LHFPL3: variants seen among roughly 807,000 people sequenced by gnomAD.
LHFPL3 encodes LHFPL tetraspan subfamily member 3 protein.
A neutral mutation model predicts 19.3 loss-of-function variants in LHFPL3; 5 were observed. The ratio of observed to expected loss-of-function variants is 0.26; its 90% CI spans 0.14 to 0.54. The LOEUF is 0.54. Among genes scored for constraint, LHFPL3 ranks in the 20% least tolerant of loss-of-function variants. The probability of loss-of-function intolerance (pLI) is 0.94; values close to 1 mark genes in which losing one functional copy is unlikely to be tolerated. For synonymous variants in LHFPL3, 133 were observed against 126.2 expected, an observed-to-expected ratio of 1.05 and a Z score of -0.36; for missense variants, 249 against 307.4, an observed-to-expected ratio of 0.81 and a Z score of 1.42.
intron 1 of LHFPL3, among the ~76,000 whole-genome samples, chr7:104,716,077 G>T (rs563029900): frequency 3.9e-5 from 6 of 152,186 alleles, no homozygotes; most frequent in African/African-American, 1.4e-4. Flanking sequence ...GGCCAGGCAC[G>T]CTGGCTCATG....
intron 2 of LHFPL3, among the ~76,000 whole-genome samples, chr7:104,742,815 T>A (rs964446320): frequency 2.6e-5 from 4 of 152,154 alleles, no homozygotes; most frequent in African/African-American, 7.2e-5. Flanking sequence ...AAATACTCTT[T>A]TAGGAACTTG....
chr7:104,635,468 T>A (rs886267570), intron 1 of LHFPL3, among the ~76,000 whole-genome samples: 11 of 152,122 alleles, frequency 7.2e-5, no homozygotes, highest in African/African-American at 2.4e-4. Context: ...AAAATTTTTT[T>A]AAAAGTATTA....
intron 1 of LHFPL3, among the ~76,000 whole-genome samples, chr7:104,425,972 T>A (rs1791836580): frequency 6.6e-6 from 1 of 152,208 alleles, no homozygotes; most frequent in Middle Eastern, 3.2e-3. Context: ...CAGGGAAGCT[T>A]CTGTGTCATT....
chr7:104,786,098 C>T (rs1264937544), intron 2 of LHFPL3, among the ~76,000 whole-genome samples: 1 of 152,192 alleles, frequency 6.6e-6, no homozygotes, highest in Non-Finnish European at 1.5e-5. Flanking sequence ...ACTGGTGCCT[C>T]ATGAACAAGG....
At chr7:104,492,170 G>T (rs1049051134) in intron 1 of LHFPL3, among the ~76,000 whole-genome samples, 2 of 152,074 alleles carry the variant, frequency 1.3e-5, no homozygotes, top group African/African-American at 4.8e-5. Context: ...GGTTACTTGC[G>T]TAACAATGCT....
intron 1 of LHFPL3, among the ~76,000 whole-genome samples, chr7:104,684,412 A>C (rs571568926): frequency 9.6e-4 from 146 of 152,356 alleles, no homozygotes; most frequent in African/African-American, 3.4e-3. Context: ...GCAACTGCTC[A>C]ATTCTGACAT....
intron 2 of LHFPL3, chr7:104,752,667 T>C (rs1267982926): frequency 3.5e-5 from 13 of 370,196 alleles, no homozygotes; most frequent in African/African-American, 2.5e-4. Flanking sequence ...ATTTTACTTT[T>C]AGTTTGCCCC....
At chr7:104,364,809 GAA>G (rs1316231916) in intron 1 of LHFPL3, among the ~76,000 whole-genome samples, 3 of 152,254 alleles carry the variant, frequency 2.0e-5, no homozygotes, top group African/African-American at 7.2e-5. Context: ...TGAGACTGGA[GAA>G]GATTCTTGCT....
intron 2 of LHFPL3, among the ~76,000 whole-genome samples, chr7:104,871,145 CAG>C (rs1368842485): frequency 3.9e-5 from 6 of 152,200 alleles, no homozygotes; most frequent in African/African-American, 1.2e-4. Context: ...GTGAACATCA[CAG>C]AGTGTACTTA....
intron 1 of LHFPL3, among the ~76,000 whole-genome samples, chr7:104,596,851 G>A (rs1014701892): frequency 6.6e-6 from 1 of 152,190 alleles, no homozygotes; most frequent in East Asian, 1.9e-4. Context: ...ATCATTATCT[G>A]TTTACATGTT....
intron 1 of LHFPL3, among the ~76,000 whole-genome samples, chr7:104,576,913 T>C (rs1214538686): frequency 1.3e-5 from 2 of 152,244 alleles, no homozygotes; most frequent in African/African-American, 2.4e-5. Context: ...AGTCTCTCAC[T>C]GGGTCCTTGT....
At chr7:104,374,208 ATGTGTGTGTGTGTG>A (rs1006955104) in intron 1 of LHFPL3, among the ~76,000 whole-genome samples, 4 of 147,152 alleles carry the variant, frequency 2.7e-5, no homozygotes, top group Middle Eastern at 6.8e-3. Flanking sequence ...CTATCTATAT[ATGTGTGTGTGTGTG>A]TGTGTGTGTG....
chr7:104,852,389 G>A (rs551675370), intron 2 of LHFPL3, among the ~76,000 whole-genome samples: 2 of 152,328 alleles, frequency 1.3e-5, no homozygotes, highest in African/African-American at 4.8e-5. Context: ...GGCAGGAAAG[G>A]GAGGTGGAGG....
At chr7:104,558,873 G>A (rs1296213196) in intron 1 of LHFPL3, among the ~76,000 whole-genome samples, 2 of 144,950 alleles carry the variant, frequency 1.4e-5, no homozygotes, top group Admixed American at 6.7e-5. Context: ...GTAAGGAAGG[G>A]ATCCAGTTTC....
intron 1 of LHFPL3, among the ~76,000 whole-genome samples, chr7:104,430,388 A>ATGTG (rs1554393127): frequency 2.0e-5 from 1 of 50,054 alleles, no homozygotes; most frequent in African/African-American, 1.1e-4. Context: ...ATATACATAT[A>ATGTG]TATATATATA....
chr7:104,853,903 A>T (rs866998327), intron 2 of LHFPL3, among the ~76,000 whole-genome samples: 8 of 152,270 alleles, frequency 5.3e-5, no homozygotes, highest in Middle Eastern at 3.4e-3. Context: ...ACTGTAGGTA[A>T]TTTCAATCTG....
chr7:104,855,668 G>T (rs1324216940), intron 2 of LHFPL3, among the ~76,000 whole-genome samples: 1 of 149,836 alleles, frequency 6.7e-6, no homozygotes, highest in African/African-American at 2.5e-5. Flanking sequence ...CTGTCACCCA[G>T]TCTGGAGTGC....
chr7:104,471,822 T>C (rs973990037), intron 1 of LHFPL3, among the ~76,000 whole-genome samples: 17 of 152,354 alleles, frequency 1.1e-4, no homozygotes, highest in South Asian at 2.1e-4. Flanking sequence ...ATAGTTGCTA[T>C]GATTGAGAAA....
chr7:104,809,498 A>T (rs937292869), intron 2 of LHFPL3, among the ~76,000 whole-genome samples: 1 of 152,350 alleles, frequency 6.6e-6, no homozygotes, highest in East Asian at 1.9e-4. Flanking sequence ...ATTAGGAAAA[A>T]TCCCAAAGCC....
Sources: allele counts gnomAD v4.1 joint callset (sites outside exome capture counted in the v4.1 genomes callset), GRCh38; gene constraint gnomAD v4.1.1; transcripts MANE v1.5; gene names NCBI Gene and HGNC (gene_info 2026-07-23, HGNC 2026-07-21).